The following CHRM5 variants were observed in gnomAD, a reference collection of about 807,000 sequenced individuals.
The protein encoded by CHRM5 is cholinergic receptor muscarinic 5, also known as muscarinic acetylcholine receptor M5.
In CHRM5, 18 loss-of-function variants were observed where a neutral mutation model predicts 39.0. The ratio of observed to expected loss-of-function variants is 0.46; its 90% CI spans 0.32 to 0.68. The LOEUF (loss-of-function observed/expected upper bound fraction) is 0.68, where lower values mean the gene tolerates loss of function less well. Among genes scored for constraint, CHRM5 ranks in the 30% least tolerant of loss-of-function variants. The pLI, the probability that CHRM5 is intolerant of heterozygous loss-of-function variation, is 0.04. For missense variants in CHRM5, 515 were observed against 651.1 expected, an observed-to-expected ratio of 0.79 and a Z score of 2.28; for synonymous variants, 241 against 246.3, an observed-to-expected ratio of 0.98 and a Z score of 0.20.
chr15:34,047,795 CTGG>C (rs1899766118), intron 2 of CHRM5, among the ~76,000 whole-genome samples: 1 of 151,952 alleles, frequency 6.6e-6, no homozygotes, highest in African/African-American at 2.4e-5. Context: ...GTCACCCAGG[CTGG>C]AGTGCAATGG....
chr15:33,974,878 C>A lies in CHRM5; in HGVS notation c.-408+5728C>A, dbSNP rs528797593. ...ATCCCCGCTACTTGGAGGCTGGGGC[C>A]GGAGAATCGCTTGAACCCAGGAGGT... On this transcript the variant is annotated intron_variant, in intron 1 of 2. Transcript: ENST00000383263. Among the ~76,000 whole-genome samples the A allele has an allele frequency of 2.2e-4, 34 of 152,160 alleles. 1 individual carries two copies. The East Asian group carries it at 6.4e-3, about 29-fold the overall frequency.
chr15:34,036,595 C>A (rs973514287), intron 1 of CHRM5, among the ~76,000 whole-genome samples: 3 of 152,108 alleles, frequency 2.0e-5, no homozygotes, highest in African/African-American at 7.2e-5. Flanking sequence ...AACAGTACTT[C>A]AGAATCTGAG....
chr15:33,974,275 T>C (rs1300980330), intron 1 of CHRM5, among the ~76,000 whole-genome samples: 3 of 152,196 alleles, frequency 2.0e-5, no homozygotes, highest in Admixed American at 2.0e-4. Context: ...TATTCAAAGA[T>C]GAGTGGAGAA....
chr15:34,055,218 G>C (rs932747353), intron 2 of CHRM5, among the ~76,000 whole-genome samples: 1 of 151,470 alleles, frequency 6.6e-6, no homozygotes, highest in Non-Finnish European at 1.5e-5. Context: ...AATAAACAAG[G>C]CCAGGCCCGG....
chr15:34,023,919 A>C (rs1898322526), intron 1 of CHRM5, among the ~76,000 whole-genome samples: 1 of 152,200 alleles, frequency 6.6e-6, no homozygotes, highest in Non-Finnish European at 1.5e-5. Flanking sequence ...GGCAAAATAG[A>C]GGACTCTATC....
intron 1 of CHRM5, among the ~76,000 whole-genome samples, chr15:33,981,223 C>T (rs188738340): frequency 2.6e-4 from 40 of 152,222 alleles, no homozygotes; most frequent in Non-Finnish European, 5.0e-4. Context: ...AAATATGAAG[C>T]GGATGAATTT....
rs148035145 is a variant in CHRM5, at chr15:33,983,215, C to CAT, written c.-408+14073_-408+14074dup. The stretch of plus-strand genomic sequence containing the variant: ...GTATGTGTGTGTATATATATATATA[C>CAT]ATATATATACACACACATACACACA... On this transcript the variant is annotated intron_variant, in intron 1 of 2. Coordinates refer to ENST00000383263, the MANE Select transcript of CHRM5 (RefSeq NM_012125.4). Among the ~76,000 whole-genome samples the CAT allele has an allele frequency of 1.1e-3, 121 of 111,810 alleles. 1 individual carries two copies. The highest frequency in any genetic ancestry group is 3.6e-3 in the African/African-American group (89 of 24,464). The allele number at this position is 111,810 out of a possible 152,430, so 73.4% of individuals were successfully genotyped here.
rs1177548497 is a variant in CHRM5 at position 34,063,943 on chromosome 15, T to C, written c.1226T>C (p.Val409Ala). The change falls in exon 3 of 3, where the codon GTG becomes GCG. Residue 409 changes from valine (V) to alanine (A), a missense_variant. Physicochemically the swap from Val to Ala is moderately conservative, Grantham distance 64 (BLOSUM62 0). Transcript: ENST00000383263. This position sits in a 1 kb window ranked among gnomAD's most constrained non-coding sequence, Gnocchi z 4.1. ...KVKIMPCPFP[V>A]AKEPSTKGLN... ...AAAATCATGCCCTGCCCCTTCCCAG[T>C]GGCCAAGGAACCTTCAACGAAAGGC... 6.2e-7 allele frequency: 1 copy of C among 1,614,150 alleles called. No individual in the cohort carries two copies. The highest frequency in any genetic ancestry group is 2.2e-5 in the East Asian group (1 of 44,866).
At chr15:34,061,100 G>A (rs1166477703) in intron 2 of CHRM5, among the ~76,000 whole-genome samples, 2 of 150,678 alleles carry the variant, frequency 1.3e-5, no homozygotes, top group African/African-American at 4.9e-5. Flanking sequence ...TCAAATTTAT[G>A]TTGTATGCAT....
At chr15:34,056,094 C>T (rs1169004657) in intron 2 of CHRM5, among the ~76,000 whole-genome samples, 1 of 152,168 alleles carries the variant, frequency 6.6e-6, no homozygotes, top group Non-Finnish European at 1.5e-5. Context: ...GTTTTCACTA[C>T]ACTAACTTCC....
chr15:34,025,597 G>C, intron 1 of CHRM5, among the ~76,000 whole-genome samples: 1 of 152,162 alleles, frequency 6.6e-6, no homozygotes, highest in East Asian at 1.9e-4. Flanking sequence ...CAATGTTAAT[G>C]TCCTGATTTT....
chr15:34,015,674 A>G (rs954951339), intron 1 of CHRM5, among the ~76,000 whole-genome samples: 12 of 152,018 alleles, frequency 7.9e-5, no homozygotes, highest in Middle Eastern at 3.4e-3. Context: ...CACATGAGGG[A>G]AAAAAAAGTG....
intron 1 of CHRM5, among the ~76,000 whole-genome samples, chr15:33,999,068 A>G (rs563895): frequency 0.75 from 113,677 of 152,090 alleles, 46,111 homozygotes; most frequent in Non-Finnish European, 0.9. Flanking sequence ...TTTATCCTCC[A>G]CCCTTCTCCA....
rs1056729210 is a variant in CHRM5, at chr15:34,066,018, C to T, written c.*1702C>T. The stretch of plus-strand genomic sequence containing the variant: ...CCTACCACTGAAGAGCATCATCAGC[C>T]TCTCACAGGATGTCCCACGGAGGCT... On this transcript the variant is annotated 3_prime_UTR_variant, in exon 3 of 3. Coordinates refer to ENST00000383263, the MANE Select transcript of CHRM5 (RefSeq NM_012125.4). 6.6e-6 allele frequency: 1 copy of T among 152,276 alleles called. No homozygotes were observed. Among genetic ancestry groups the T allele is most frequent in the African/African-American group, 2.4e-5 (1 of 41,474 alleles). 9.4% of individuals were successfully genotyped at this position (152,276 alleles called of 1,614,324 possible).
intron 1 of CHRM5, among the ~76,000 whole-genome samples, chr15:33,998,318 C>T (rs1897015612): frequency 1.3e-5 from 2 of 152,078 alleles, no homozygotes; most frequent in South Asian, 4.2e-4. Flanking sequence ...AGTTATTTCT[C>T]CCACCTTTAA....
chr15:33,980,035 T>A (rs1202582997), intron 1 of CHRM5, among the ~76,000 whole-genome samples: 1 of 152,152 alleles, frequency 6.6e-6, no homozygotes, highest in Non-Finnish European at 1.5e-5. Context: ...AAAAAAAGAA[T>A]GAGAATAACA....
intron 1 of CHRM5, among the ~76,000 whole-genome samples, chr15:34,019,769 T>A (rs577141086): frequency 3.3e-5 from 5 of 152,178 alleles, no homozygotes; most frequent in Non-Finnish European, 7.3e-5. Context: ...ACCGCCTGGG[T>A]GTACAGTAGG....
chr15:34,021,080 T>C (rs1567472095), intron 1 of CHRM5, among the ~76,000 whole-genome samples: 1 of 152,222 alleles, frequency 6.6e-6, no homozygotes, highest in Non-Finnish European at 1.5e-5. Context: ...GCTCCTCTTT[T>C]GAATTTATTC....
chr15:34,003,215 A>G (rs1897207900), intron 1 of CHRM5: 4 of 1,612,760 alleles, frequency 2.5e-6, no homozygotes, highest in Non-Finnish European at 3.4e-6. Flanking sequence ...TCAACCTGCA[A>G]TCATTAGAGA....
Sources: gnomAD v4.1 joint callset for allele counts (sites outside exome capture counted in the v4.1 genomes callset) on GRCh38, gnomAD v4.1.1 for gene constraint, Gnocchi (gnomAD v3.1) non-coding constraint, MANE v1.5 for transcripts, NCBI Gene and HGNC (gene_info 2026-07-23, HGNC 2026-07-21) for gene names.